The following CREM variants were observed in gnomAD, a reference collection of about 807,000 sequenced individuals.
CREM encodes cAMP responsive element modulator.
A neutral mutation model predicts 37.3 loss-of-function variants in CREM; 13 were observed. The observed-to-expected ratio is 0.35, with a 90% CI of 0.23 to 0.55. The LOEUF (loss-of-function observed/expected upper bound fraction) is 0.55, where lower values mean the gene tolerates loss of function less well. CREM is among the 20% of genes least tolerant of loss of function. The pLI, the probability that CREM is intolerant of heterozygous loss-of-function variation, is 0.88. For missense variants in CREM, 296 were observed against 362.3 expected (o/e 0.82, Z 1.49); for synonymous variants, 124 against 120.2 (o/e 1.03, Z -0.21).
intron 5 of CREM, among the ~76,000 whole-genome samples, chr10:35,185,395 C>T (rs980060348): frequency 1.1e-4 from 17 of 152,094 alleles, no homozygotes; most frequent in African/African-American, 3.1e-4. Context: ...TGAGCCACCG[C>T]GCCCGGCCTA....
At chr10:35,197,602 A>ACAACCACGCC (rs931222686) in intron 6 of CREM, among the ~76,000 whole-genome samples, 4 of 152,020 alleles carry the variant, frequency 2.6e-5, no homozygotes, top group Non-Finnish European at 5.9e-5. Flanking sequence ...ACAGGTGCCC[A>ACAACCACGCC]CCACCACGCC....
At chr10:35,199,623 A>G (rs928612255) in intron 6 of CREM, among the ~76,000 whole-genome samples, 1 of 152,210 alleles carries the variant, frequency 6.6e-6, no homozygotes, top group Non-Finnish European at 1.5e-5. Context: ...AAGGCAGTTT[A>G]CAGGCATTCT....
At chr10:35,196,081 T>A (rs1192108335) in intron 6 of CREM, 1 of 1,613,790 alleles carries the variant, frequency 6.2e-7, no homozygotes, top group African/African-American at 1.3e-5. Flanking sequence ...AACTCAGGAG[T>A]TGTCTGGCCA....
At chr10:35,175,398 A>T (rs1251063321) in intron 3 of CREM, among the ~76,000 whole-genome samples, 4 of 152,150 alleles carry the variant, frequency 2.6e-5, no homozygotes, top group African/African-American at 9.7e-5. Flanking sequence ...GGGAGCCAAG[A>T]TCACGCCACT....
chr10:35,144,133 G>C (rs2091789513), intron 2 of CREM, among the ~76,000 whole-genome samples: 1 of 152,218 alleles, frequency 6.6e-6, no homozygotes, highest in Non-Finnish European at 1.5e-5. Flanking sequence ...TGGAACAGCA[G>C]CTCAACTGCT....
chr10:35,169,575 A>G (rs1393925567), intron 3 of CREM, among the ~76,000 whole-genome samples: 1 of 152,168 alleles, frequency 6.6e-6, no homozygotes, highest in Non-Finnish European at 1.5e-5. Flanking sequence ...TCCTAATTGA[A>G]TACCCTTTAT....
intron 5 of CREM, chr10:35,179,937 G>T (rs892186639): frequency 6.6e-6 from 1 of 152,228 alleles, no homozygotes; most frequent in Admixed American, 6.5e-5. Context: ...TGTTTGATAC[G>T]TAAAAAGCAA....
intron 6 of CREM, among the ~76,000 whole-genome samples, chr10:35,203,651 C>T (rs2095441849): frequency 6.6e-6 from 1 of 152,074 alleles, no homozygotes; most frequent in South Asian, 2.1e-4. Flanking sequence ...GAGATTGTGC[C>T]ACTGCACTCT....
chr10:35,192,902 A>T (rs2094976668), intron 6 of CREM, among the ~76,000 whole-genome samples: 2 of 152,188 alleles, frequency 1.3e-5, no homozygotes, highest in South Asian at 4.1e-4. Context: ...CAAGCCTTGC[A>T]TTCTTTAATA....
At chr10:35,169,727 G>C (rs925463470) in intron 3 of CREM, among the ~76,000 whole-genome samples, 23 of 152,192 alleles carry the variant, frequency 1.5e-4, no homozygotes, top group African/African-American at 5.3e-4. Flanking sequence ...TTGGCTGTGG[G>C]TTTGTCATAA....
chr10:35,164,073 T>C (rs1196207248), intron 3 of CREM, among the ~76,000 whole-genome samples: 1 of 152,234 alleles, frequency 6.6e-6, no homozygotes, highest in Non-Finnish European at 1.5e-5. Context: ...GAAGGTATTT[T>C]TCATACTATA....
At chr10:35,195,462 C>G (rs2095113253) in intron 6 of CREM, among the ~76,000 whole-genome samples, 1 of 151,752 alleles carries the variant, frequency 6.6e-6, no homozygotes, top group Admixed American at 6.6e-5. Context: ...TCCCTCTATC[C>G]TCCCTCCCCT....
intron 6 of CREM, among the ~76,000 whole-genome samples, chr10:35,197,909 C>T (rs1028360794): frequency 2.0e-5 from 3 of 152,164 alleles, no homozygotes; most frequent in Admixed American, 6.5e-5. Flanking sequence ...AGATTAGTGG[C>T]TTGCAAACTT....
chr10:35,158,878 AAATT>A (rs1363159706), intron 3 of CREM, among the ~76,000 whole-genome samples: 4 of 148,456 alleles, frequency 2.7e-5, no homozygotes, highest in Non-Finnish European at 1.5e-5. Flanking sequence ...GTTTCTTAGA[AAATT>A]AATTGGTATA....
intron 1 of CREM, among the ~76,000 whole-genome samples, chr10:35,132,155 C>G (rs1033755617): frequency 1.4e-5 from 2 of 143,916 alleles, no homozygotes; most frequent in South Asian, 2.2e-4. Context: ...GAGCCGAGAT[C>G]GTGCTACTGC....
intron 3 of CREM, among the ~76,000 whole-genome samples, chr10:35,170,089 A>G (rs949339054): frequency 2.0e-5 from 3 of 151,148 alleles, no homozygotes; most frequent in Non-Finnish European, 2.9e-5. Flanking sequence ...CAGCCTCCCT[A>G]GTAGCTGGGA....
chr10:35,195,346 A>C, intron 6 of CREM: 1 of 844,806 alleles, frequency 1.2e-6, no homozygotes, highest in Admixed American at 2.4e-5. Flanking sequence ...TTTTTTTGAA[A>C]TATACATCTA....
intron 1 of CREM, among the ~76,000 whole-genome samples, chr10:35,128,847 T>G (rs1820658468): frequency 1.3e-5 from 2 of 152,262 alleles, no homozygotes; most frequent in Non-Finnish European, 2.9e-5. Flanking sequence ...TCTTGATTCT[T>G]TTTTTGGATA....
intron 3 of CREM, 60 bp downstream of exon 3, chr10:35,148,551 G>GCT: frequency 6.5e-7 from 1 of 1,542,032 alleles, no homozygotes; most frequent in South Asian, 1.2e-5. Context: ...ATTAGGTGCA[G>GCT]ATTCTGTTTT....
Sources: gnomAD v4.1 joint callset for allele counts (sites outside exome capture counted in the v4.1 genomes callset) on GRCh38, gnomAD v4.1.1 for gene constraint, MANE v1.5 for transcripts, NCBI Gene and HGNC (gene_info 2026-07-23, HGNC 2026-07-21) for gene names.